DOCK3: variants seen among roughly 807,000 people sequenced by gnomAD.
DOCK3 encodes dedicator of cytokinesis protein 3.
In DOCK3, 60 loss-of-function variants were observed where a neutral mutation model predicts 265.6. The observed-to-expected ratio is 0.23, with a 90% CI of 0.18 to 0.28. DOCK3 has a LOEUF of 0.28. Among genes scored for constraint, DOCK3 ranks in the 10% least tolerant of loss-of-function variants. The pLI, the probability that DOCK3 is intolerant of heterozygous loss-of-function variation, is 1.00. For synonymous variants in DOCK3, 881 were observed against 938.0 expected (o/e 0.94, Z 1.11); for missense variants, 1,981 against 2,594.3 (o/e 0.76, Z 5.14).
At chr3:50,928,924 T>C (rs2050913162) in intron 4 of DOCK3, among the ~76,000 whole-genome samples, 1 of 152,212 alleles carries the variant, frequency 6.6e-6, no homozygotes, top group African/African-American at 2.4e-5. Context: ...ATGAAATATT[T>C]AGCACTTTAC....
chr3:50,887,451 C>T (rs2048401845), intron 3 of DOCK3, among the ~76,000 whole-genome samples: 1 of 120,038 alleles, frequency 8.3e-6, no homozygotes, highest in Non-Finnish European at 1.7e-5. Flanking sequence ...GGAGCTGGTA[C>T]CATTCCTTCT....
In DOCK3 at chr3:51,034,235, A is replaced by G. The variant is rs539722737; in HGVS notation, c.316-30213A>G. On this transcript the variant is annotated intron_variant, in intron 5 of 52. Transcript: ENST00000266037. Reference sequence around the variant, plus strand: ...GCCTTTTAATTGGAGTTTTTATTCTATATTGAGATTTAATGCAATCATTGA... The same window carrying G: ...GCCTTTTAATTGGAGTTTTTATTCTGTATTGAGATTTAATGCAATCATTGA... Among the ~76,000 whole-genome samples the G allele has an allele frequency of 5.3e-5, 8 of 152,064 alleles. No homozygotes were observed. In the South Asian group the frequency reaches 1.7e-3, roughly 32 times the overall value.
intron 22 of DOCK3, among the ~76,000 whole-genome samples, chr3:51,252,164 A>G (rs2079283776): frequency 6.6e-6 from 1 of 152,112 alleles, no homozygotes; most frequent in South Asian, 2.1e-4. Context: ...CAAAGATCAG[A>G]TGGTTGTAGA....
intron 26 of DOCK3, 118 bp downstream of exon 26, chr3:51,277,872 T>C: frequency 6.6e-7 from 1 of 1,526,576 alleles, no homozygotes. Flanking sequence ...TCCTGCATGG[T>C]TGTCAGCATG....
chr3:51,369,271 A>C (rs1409028661), intron 49 of DOCK3, among the ~76,000 whole-genome samples: 2 of 152,260 alleles, frequency 1.3e-5, no homozygotes, highest in Admixed American at 6.5e-5. Flanking sequence ...GTTTGAACCC[A>C]TTGCAAAGAA....
intron 5 of DOCK3, among the ~76,000 whole-genome samples, chr3:51,020,104 C>T (rs1227882895): frequency 6.6e-6 from 1 of 151,860 alleles, no homozygotes; most frequent in African/African-American, 2.4e-5. Context: ...TAAAAACATT[C>T]GTTTTTCTCT....
intron 32 of DOCK3, among the ~76,000 whole-genome samples, chr3:51,323,978 G>A (rs2083914290): frequency 6.6e-6 from 1 of 152,122 alleles, no homozygotes; most frequent in Non-Finnish European, 1.5e-5. Flanking sequence ...TAACTGAATG[G>A]CCAAAAACTG....
intron 2 of DOCK3, among the ~76,000 whole-genome samples, chr3:50,781,021 G>A (rs375441635): frequency 3.2e-4 from 48 of 151,996 alleles, no homozygotes; most frequent in South Asian, 2.3e-3. Context: ...ATTCCATTGT[G>A]TATATACAAC....
chr3:51,277,814 C>T (rs906770468), intron 26 of DOCK3, 60 bp downstream of exon 26: 2 of 1,562,178 alleles, frequency 1.3e-6, no homozygotes, highest in African/African-American at 2.7e-5. Flanking sequence ...TTCTCCACAA[C>T]ACTCCCCCTC....
intron 5 of DOCK3, among the ~76,000 whole-genome samples, chr3:51,055,547 GAC>G (rs1039802038): frequency 3.3e-4 from 51 of 152,264 alleles, no homozygotes; most frequent in African/African-American, 1.2e-3. Context: ...GATGCCTATG[GAC>G]ACATCGAGGA....
intron 23 of DOCK3, among the ~76,000 whole-genome samples, chr3:51,266,035 T>C (rs896388370): frequency 1.3e-5 from 2 of 151,744 alleles, no homozygotes; most frequent in South Asian, 2.1e-4. Context: ...ACACCAATAA[T>C]AGACAAACAG....
In DOCK3 at chr3:51,031,718, A is replaced by G. The variant is rs886301506; in HGVS notation, c.316-32730A>G. Among the ~76,000 whole-genome samples, 7 of 152,200 alleles carry G rather than the reference A, an allele frequency of 4.6e-5. No homozygotes were observed. In the East Asian group the frequency reaches 5.8e-4, roughly 13 times the overall value. ...AATTCATGTCGAAACTTAAGCCCCA[A>G]TGCAGAAGTATTGGGGGTTAAAAGA... On this transcript the variant is annotated intron_variant, in intron 5 of 52. Coordinates refer to ENST00000266037, the MANE Select transcript of DOCK3 (RefSeq NM_004947.5).
At chr3:51,168,449 C>T (rs1024761179) in intron 12 of DOCK3, among the ~76,000 whole-genome samples, 2 of 152,082 alleles carry the variant, frequency 1.3e-5, no homozygotes, top group African/African-American at 2.4e-5. Context: ...ATGCCTACAA[C>T]AATCTGATCT....
chr3:51,115,844 T>C (rs1246504150), intron 9 of DOCK3, among the ~76,000 whole-genome samples: 1 of 152,194 alleles, frequency 6.6e-6, no homozygotes, highest in Non-Finnish European at 1.5e-5. Context: ...AGGGATCCAG[T>C]TTCAGTTTTC....
At position 51,355,045 on chromosome 3, in the gene DOCK3, G is replaced by C. The variant is rs771605271; in HGVS notation, c.4249+22G>C. ...CAGTGTATCCTTTGATACTGGGTGG[G>C]AGGAGGAGGGCAGGGGCCCTGGGAG... On this transcript the variant is annotated intron_variant, in intron 41 of 52. Coordinates refer to ENST00000266037, the MANE Select transcript of DOCK3 (RefSeq NM_004947.5). 9.9e-6 allele frequency: 16 copies of C among 1,609,096 alleles called. No homozygotes were observed. The African/African-American group carries it at 1.9e-4, about 19-fold the overall frequency.
chr3:50,788,031 C>T lies in DOCK3; in HGVS notation c.121+9273C>T. On this transcript the variant is annotated intron_variant, in intron 2 of 52. Transcript: ENST00000266037. ...TTAATAGCATGCACATCAGACTCTGCTCCTGTCTCCCTGAAATGTGGCTGT... is the reference window on the plus strand; with the variant it reads ...TTAATAGCATGCACATCAGACTCTGTTCCTGTCTCCCTGAAATGTGGCTGT... 4.1e-6 allele frequency: 3 copies of T among 736,996 alleles called. No homozygotes were observed. The South Asian group carries it at 4.9e-5, about 12-fold the overall frequency. The allele number at this position is 736,996 out of a possible 1,614,324, so 45.7% of individuals were successfully genotyped here. A position where few individuals can be genotyped will look rare whatever the true frequency, so the allele number is the denominator to read the frequency against.
intron 12 of DOCK3, among the ~76,000 whole-genome samples, chr3:51,182,411 G>T (rs1204357882): frequency 6.6e-6 from 1 of 152,154 alleles, no homozygotes; most frequent in East Asian, 1.9e-4. Flanking sequence ...ATACTCTAAG[G>T]TATCAGACTT....
intron 1 of DOCK3, among the ~76,000 whole-genome samples, chr3:50,698,522 T>G (rs994057800): frequency 2.5e-4 from 23 of 90,448 alleles, no homozygotes; most frequent in African/African-American, 1.1e-3. Context: ...TTTTGGTTTT[T>G]TTTTTTTTTT....
At chr3:50,696,927 A>AT (rs1193760650) in intron 1 of DOCK3, among the ~76,000 whole-genome samples, 13,562 of 139,570 alleles carry the variant, frequency 0.097, 753 homozygotes, top group Middle Eastern at 0.17. Flanking sequence ...ATAGCACTGA[A>AT]TTTTTTTTTT....
Sources: allele counts gnomAD v4.1 joint callset (sites outside exome capture counted in the v4.1 genomes callset), GRCh38; gene constraint gnomAD v4.1.1; transcripts MANE v1.5; gene names NCBI Gene and HGNC (gene_info 2026-07-23, HGNC 2026-07-21).